TMEM120B: variants seen among roughly 807,000 people sequenced by gnomAD.
TMEM120B encodes the protein transmembrane protein 120B.
In TMEM120B, 31 loss-of-function variants were observed where a neutral mutation model predicts 55.5. The observed-to-expected ratio is 0.56, with a 90% CI of 0.42 to 0.75. The LOEUF (loss-of-function observed/expected upper bound fraction) is 0.75. Ranked by LOEUF, TMEM120B falls within the 30% of genes least tolerant of loss-of-function variation. The probability of loss-of-function intolerance (pLI) is 0.00; values close to 1 mark genes in which losing one functional copy is unlikely to be tolerated. For synonymous variants in TMEM120B, 203 were observed against 176.3 expected (o/e 1.15, Z -1.20); for missense variants, 399 against 425.5 (o/e 0.94, Z 0.55).
At chr12:121,717,919 G>C (rs769639742) in intron 1 of TMEM120B, among the ~76,000 whole-genome samples, 1 of 152,162 alleles carries the variant, frequency 6.6e-6, no homozygotes, top group Non-Finnish European at 1.5e-5. Context: ...GCCTCCCAAA[G>C]TGCTGGGATT....
chr12:121,749,356 A>C (rs1413376703), intron 3 of TMEM120B, among the ~76,000 whole-genome samples: 1 of 152,194 alleles, frequency 6.6e-6, no homozygotes. Flanking sequence ...TCTTAACCTC[A>C]GTTGGGAATC....
chr12:121,771,897 T>A (rs1208110709), intron 8 of TMEM120B, among the ~76,000 whole-genome samples: 2 of 152,154 alleles, frequency 1.3e-5, no homozygotes, highest in African/African-American at 4.8e-5. Flanking sequence ...TCTGGATTTG[T>A]ATACTGGTCC....
intron 1 of TMEM120B, among the ~76,000 whole-genome samples, chr12:121,717,995 A>G (rs146040107): frequency 4.6e-5 from 7 of 152,238 alleles, no homozygotes; most frequent in Admixed American, 4.6e-4. Flanking sequence ...AGAAAAAGAC[A>G]CTGCACAGGG....
Position 121,781,313 on chromosome 12 carries a change from A to C in TMEM120B, c.*5591A>C. 1 of 797,184 alleles carries C rather than the reference A, an allele frequency of 1.3e-6. No homozygotes were observed. Among genetic ancestry groups the C allele is most frequent in the Non-Finnish European group, 2.0e-6 (1 of 497,944 alleles). The allele number at this position is 797,184 out of a possible 1,614,324, so 49.4% of individuals were successfully genotyped here. ...AGGGCCTCAATTTCCTCATCTATAC[A>C]ATGGGCAGCAAGCCAGGAGTGCTGG... is the stretch of plus-strand genomic sequence containing the variant. On this transcript the variant is annotated 3_prime_UTR_variant, in exon 12 of 12. Coordinates refer to ENST00000449592, the MANE Select transcript of TMEM120B (RefSeq NM_001080825.2).
intron 4 of TMEM120B, among the ~76,000 whole-genome samples, chr12:121,750,780 A>G (rs1205475210): frequency 3.3e-5 from 4 of 121,804 alleles, no homozygotes; most frequent in Non-Finnish European, 6.8e-5. Flanking sequence ...TCCACACCTT[A>G]CAGCCACACC....
chr12:121,728,417 A>G (rs980167165), intron 1 of TMEM120B, among the ~76,000 whole-genome samples: 1 of 151,286 alleles, frequency 6.6e-6, no homozygotes, highest in African/African-American at 2.4e-5. Flanking sequence ...TGAACTTGGG[A>G]GATGGAGCTT....
In TMEM120B at chr12:121,781,221, G is replaced by T; in HGVS notation, c.*5499G>T. 1 of 1,599,656 alleles carries T rather than the reference G, an allele frequency of 6.3e-7. No individual in the cohort carries two copies. Among genetic ancestry groups the T allele is most frequent in the Non-Finnish European group, 8.6e-7 (1 of 1,167,318 alleles). On this transcript the variant is annotated 3_prime_UTR_variant, in exon 12 of 12. Coordinates refer to ENST00000449592, the MANE Select transcript of TMEM120B (RefSeq NM_001080825.2). ...AAAGCACAGAGCAGCGGGGGTCAGG[G>T]GACGTCCCCTCCCTGTCTGGACTCT... is the stretch of plus-strand genomic sequence containing the variant.
chr12:121,774,844 C>T, intron 10 of TMEM120B, 122 bp downstream of exon 10: 1 of 1,326,072 alleles, frequency 7.5e-7, no homozygotes, highest in Non-Finnish European at 1.0e-6. Flanking sequence ...CATCCTGGGG[C>T]CGGGGCAGCC....
At chr12:121,723,648 A>T (rs1894837559) in intron 1 of TMEM120B, among the ~76,000 whole-genome samples, 1 of 152,112 alleles carries the variant, frequency 6.6e-6, no homozygotes, top group African/African-American at 2.4e-5. Flanking sequence ...GTTCCTAGGG[A>T]TCAGCCTCCC....
At chr12:121,740,106 T>C (rs1872890031) in intron 1 of TMEM120B, among the ~76,000 whole-genome samples, 1 of 152,138 alleles carries the variant, frequency 6.6e-6, no homozygotes, top group South Asian at 2.1e-4. Context: ...ATCAGCCTAA[T>C]GTTGACCAGA....
At chr12:121,713,650 C>G (rs879232884) in intron 1 of TMEM120B, among the ~76,000 whole-genome samples, 1 of 152,078 alleles carries the variant, frequency 6.6e-6, no homozygotes, top group African/African-American at 2.4e-5. Flanking sequence ...GGGTGTAAGG[C>G]GGGGGTCCCC....
At chr12:121,716,235 G>T (rs1362536859) in intron 1 of TMEM120B, among the ~76,000 whole-genome samples, 1 of 151,062 alleles carries the variant, frequency 6.6e-6, no homozygotes, top group Non-Finnish European at 1.5e-5. Flanking sequence ...TTGAGCCCCA[G>T]AGGTCAAGGC....
chr12:121,727,264 C>A (rs1347670987), intron 1 of TMEM120B, among the ~76,000 whole-genome samples: 1 of 146,858 alleles, frequency 6.8e-6, no homozygotes, highest in Non-Finnish European at 1.5e-5. Flanking sequence ...ATCCAGGGGC[C>A]ATGGCTCATG....
intron 5 of TMEM120B, among the ~76,000 whole-genome samples, chr12:121,752,611 G>C (rs1358738885): frequency 6.6e-6 from 1 of 152,048 alleles, no homozygotes; most frequent in African/African-American, 2.4e-5. Flanking sequence ...AAATTAGCCA[G>C]GCATGGTGGA....
intron 5 of TMEM120B, among the ~76,000 whole-genome samples, chr12:121,759,364 T>G (rs185438205): frequency 6.6e-6 from 1 of 152,132 alleles, no homozygotes; most frequent in African/African-American, 2.4e-5. Flanking sequence ...AAACAAGTTT[T>G]AGAGCAGGAG....
At chr12:121,762,061 G>A (rs1009778129) in intron 6 of TMEM120B, among the ~76,000 whole-genome samples, 5 of 152,274 alleles carry the variant, frequency 3.3e-5, no homozygotes, top group Non-Finnish European at 5.9e-5. Flanking sequence ...GGGAGGCCGA[G>A]GGGGGCAGAT....
Position 121,773,243 on chromosome 12 carries a change from C to T in TMEM120B, c.680-178C>T, listed in dbSNP as rs574634118. Among the ~76,000 whole-genome samples, 20 of 152,320 alleles carry T rather than the reference C, an allele frequency of 1.3e-4. No homozygotes were observed. The South Asian group carries it at 4.1e-3, about 32-fold the overall frequency. On this transcript the variant is annotated intron_variant, in intron 8 of 11. Coordinates refer to ENST00000449592, the MANE Select transcript of TMEM120B (RefSeq NM_001080825.2). ...TTCTGGATAAGGGCTAAAGCAGGTT[C>T]AGACCAGAGTGTGTGTGTCTGTTTG... is the stretch of plus-strand genomic sequence containing the variant.
At chr12:121,727,566 G>A (rs954638096) in intron 1 of TMEM120B, among the ~76,000 whole-genome samples, 11 of 149,194 alleles carry the variant, frequency 7.4e-5, no homozygotes, top group Non-Finnish European at 1.5e-4. Context: ...AAAAGACCGT[G>A]CCCTGGTTAA....
intron 1 of TMEM120B, among the ~76,000 whole-genome samples, chr12:121,736,779 A>G (rs1418577745): frequency 1.3e-5 from 2 of 151,684 alleles, no homozygotes; most frequent in Non-Finnish European, 2.9e-5. Flanking sequence ...TCCTGACCTC[A>G]GGTGATCTGC....
Sources: gnomAD v4.1 joint callset for allele counts (sites outside exome capture counted in the v4.1 genomes callset) on GRCh38, gnomAD v4.1.1 for gene constraint, MANE v1.5 for transcripts, NCBI Gene and HGNC (gene_info 2026-07-23, HGNC 2026-07-21) for gene names.